ARHGAP15: variants seen among roughly 807,000 people sequenced by gnomAD.
ARHGAP15 encodes rho GTPase-activating protein 15.
ARHGAP15 carries 51 observed loss-of-function variants against 63.7 expected under a neutral mutation model. The ratio of observed to expected loss-of-function variants is 0.80; its 90% CI spans 0.64 to 1.01. The LOEUF (loss-of-function observed/expected upper bound fraction) is 1.01. Among genes scored for constraint, ARHGAP15 ranks in the 50% least tolerant of loss-of-function variants. ARHGAP15 has a pLI of 0.00. For missense variants in ARHGAP15, 560 were observed against 564.6 expected, an observed-to-expected ratio of 0.99 and a Z score of 0.08; for synonymous variants, 191 against 193.8, an observed-to-expected ratio of 0.99 and a Z score of 0.12.
intron 11 of ARHGAP15, among the ~76,000 whole-genome samples, chr2:143,614,611 A>G (rs1282708348): frequency 6.6e-6 from 1 of 152,232 alleles, no homozygotes; most frequent in Non-Finnish European, 1.5e-5. Flanking sequence ...GATAGGTGGT[A>G]CAAATATATG....
chr2:143,589,640 T>C (rs1212046640), intron 11 of ARHGAP15, among the ~76,000 whole-genome samples: 1 of 152,084 alleles, frequency 6.6e-6, no homozygotes, highest in Non-Finnish European at 1.5e-5. Context: ...CCTCTTTAGG[T>C]CTAGGGTAGG....
At chr2:143,435,395 A>G in intron 6 of ARHGAP15, 1 of 1,187,282 alleles carries the variant, frequency 8.4e-7, no homozygotes, top group Middle Eastern at 3.2e-4. Context: ...TATTAAAACA[A>G]TAATGTATTT....
intron 5 of ARHGAP15, among the ~76,000 whole-genome samples, chr2:143,243,459 T>C (rs569613938): frequency 2.7e-4 from 41 of 152,304 alleles, no homozygotes; most frequent in Middle Eastern, 3.4e-3. Context: ...CAGTCATTTC[T>C]ATTTTAAGTT....
chr2:143,225,927 A>G (rs949191658), intron 4 of ARHGAP15, among the ~76,000 whole-genome samples: 1 of 152,244 alleles, frequency 6.6e-6, no homozygotes, highest in Non-Finnish European at 1.5e-5. Flanking sequence ...TGTCAGCAGC[A>G]TTATTATTCT....
chr2:143,327,331 T>A (rs924561911), intron 6 of ARHGAP15, among the ~76,000 whole-genome samples: 1 of 152,170 alleles, frequency 6.6e-6, no homozygotes, highest in Non-Finnish European at 1.5e-5. Flanking sequence ...CCAAAGTAAT[T>A]TATGGATTCA....
chr2:143,532,180 G>T (rs1361603339), intron 10 of ARHGAP15, among the ~76,000 whole-genome samples: 3 of 152,204 alleles, frequency 2.0e-5, no homozygotes, highest in Non-Finnish European at 4.4e-5. Flanking sequence ...AAAAATATCT[G>T]ATGCATAATG....
intron 6 of ARHGAP15, among the ~76,000 whole-genome samples, chr2:143,393,190 C>G (rs549913099): frequency 1.3e-5 from 2 of 152,190 alleles, no homozygotes; most frequent in South Asian, 4.1e-4. Context: ...AAGCTAGCTT[C>G]CTCTCTCTTT....
At chr2:143,547,947 A>G (rs1030721689) in intron 10 of ARHGAP15, among the ~76,000 whole-genome samples, 3 of 152,030 alleles carry the variant, frequency 2.0e-5, no homozygotes, top group African/African-American at 7.2e-5. Context: ...CTCTATTGTC[A>G]CTGAACTTTT....
At chr2:143,203,681 T>C (rs1692214744) in intron 3 of ARHGAP15, among the ~76,000 whole-genome samples, 1 of 152,136 alleles carries the variant, frequency 6.6e-6, no homozygotes, top group Admixed American at 6.6e-5. Flanking sequence ...CACTTTCTCA[T>C]GGCTCTCCAA....
At chr2:143,194,769 T>C (rs1185454892) in intron 2 of ARHGAP15, among the ~76,000 whole-genome samples, 1 of 152,190 alleles carries the variant, frequency 6.6e-6, no homozygotes, top group Non-Finnish European at 1.5e-5. Context: ...AAGGGAATGG[T>C]ATTCAGCAAT....
intron 8 of ARHGAP15, among the ~76,000 whole-genome samples, chr2:143,473,427 A>G (rs1047744771): frequency 2.0e-5 from 3 of 152,196 alleles, no homozygotes; most frequent in Non-Finnish European, 4.4e-5. Context: ...GATATTTCCT[A>G]ACTGAACTGC....
rs1234740500 is a variant in ARHGAP15 at position 143,336,856 on chromosome 2, A to G, written c.474+86256A>G. 3.9e-5 allele frequency among the ~76,000 whole-genome samples: 6 copies of G among 152,124 alleles called. No individual in the cohort carries two copies. In the South Asian group the frequency reaches 8.3e-4, roughly 21 times the overall value. On this transcript the variant is annotated intron_variant, in intron 6 of 13. Transcript: ENST00000295095. ...CATTTCAGTTTTATTTATTTACTCTATAATATTTATTGAGAGCATGCTTTG... is the reference window on the plus strand; with the variant it reads ...CATTTCAGTTTTATTTATTTACTCTGTAATATTTATTGAGAGCATGCTTTG...
intron 6 of ARHGAP15, among the ~76,000 whole-genome samples, chr2:143,323,437 T>G (rs1684110788): frequency 6.6e-6 from 1 of 152,196 alleles, no homozygotes; most frequent in African/African-American, 2.4e-5. Context: ...ATGTGGGAAT[T>G]GACTTGGACT....
chr2:143,166,596 A>G (rs1020715026), intron 2 of ARHGAP15, among the ~76,000 whole-genome samples: 1 of 151,884 alleles, frequency 6.6e-6, no homozygotes, highest in South Asian at 2.1e-4. Flanking sequence ...TGCCACCACC[A>G]CCTCTTCAAA....
At chr2:143,274,482 A>G (rs1177683351) in intron 6 of ARHGAP15, among the ~76,000 whole-genome samples, 1 of 152,236 alleles carries the variant, frequency 6.6e-6, no homozygotes, top group Non-Finnish European at 1.5e-5. Flanking sequence ...TTTCTGTTCA[A>G]TAGACCTTTG....
intron 10 of ARHGAP15, among the ~76,000 whole-genome samples, chr2:143,530,168 CGTAAAGTCATATTATCCAGAAT>C (rs2105012770): frequency 6.6e-6 from 1 of 152,182 alleles, no homozygotes; most frequent in African/African-American, 2.4e-5. Flanking sequence ...TTAAACATAA[CGTAAAGTCATATTATCCAGAAT>C]GTAAAGAAAT....
chr2:143,273,679 TTA>T (rs1243148659), intron 6 of ARHGAP15, among the ~76,000 whole-genome samples: 5 of 152,172 alleles, frequency 3.3e-5, no homozygotes, highest in Admixed American at 1.3e-4. Context: ...GGCTAATATT[TTA>T]TTTGTACAAT....
chr2:143,455,826 A>G (rs1558983450), intron 8 of ARHGAP15, among the ~76,000 whole-genome samples: 2 of 152,102 alleles, frequency 1.3e-5, no homozygotes, highest in South Asian at 2.1e-4. Context: ...AAAGGAAAAA[A>G]GTTTAATAAA....
intron 6 of ARHGAP15, among the ~76,000 whole-genome samples, chr2:143,274,372 T>A (rs1419265289): frequency 5.3e-5 from 8 of 152,206 alleles, no homozygotes; most frequent in African/African-American, 1.4e-4. Context: ...CTAGCTTTTC[T>A]CTGGTCTTCT....
Sources: gnomAD v4.1 joint callset for allele counts (sites outside exome capture counted in the v4.1 genomes callset) on GRCh38, gnomAD v4.1.1 for gene constraint, MANE v1.5 for transcripts, NCBI Gene and HGNC (gene_info 2026-07-23, HGNC 2026-07-21) for gene names.